Variants in KHDRBS2 observed in about 807,000 individuals in gnomAD.
The protein encoded by KHDRBS2 is KH RNA binding domain containing, signal transduction associated 2.
KHDRBS2 carries 26 observed loss-of-function variants against 44.3 expected under a neutral mutation model. The observed-to-expected ratio is 0.59, with a 90% CI of 0.43 to 0.81. The LOEUF (loss-of-function observed/expected upper bound fraction) is 0.81, where lower values mean the gene tolerates loss of function less well. Ranked by LOEUF, KHDRBS2 falls within the 40% of genes least tolerant of loss-of-function variation. The pLI is 0.00. For synonymous variants in KHDRBS2, 194 were observed against 151.1 expected (o/e 1.28, Z -2.08); for missense variants, 476 against 433.1 (o/e 1.10, Z -0.88).
chr6:61,731,918 T>C (rs1249513300), intron 7 of KHDRBS2, among the ~76,000 whole-genome samples: 1 of 152,104 alleles, frequency 6.6e-6, no homozygotes, highest in African/African-American at 2.4e-5. Flanking sequence ...TACAAGGTGT[T>C]CTAGAGAAGG....
At chr6:61,788,901 A>G (rs1482470088) in intron 6 of KHDRBS2, among the ~76,000 whole-genome samples, 3 of 151,312 alleles carry the variant, frequency 2.0e-5, no homozygotes, top group Admixed American at 6.6e-5. Context: ...AACCCAAGAT[A>G]CATATAAAAA....
At chr6:61,807,084 C>T (rs543644632) in intron 6 of KHDRBS2, among the ~76,000 whole-genome samples, 9 of 152,150 alleles carry the variant, frequency 5.9e-5, no homozygotes, top group Middle Eastern at 3.4e-3. Context: ...TGCTCAAGAT[C>T]GCTGATCATT....
intron 3 of KHDRBS2, among the ~76,000 whole-genome samples, chr6:61,984,918 C>A (rs1237357048): frequency 2.0e-5 from 3 of 152,136 alleles, no homozygotes; most frequent in Admixed American, 1.3e-4. Context: ...ATTTGTTCTG[C>A]AATTATAAGC....
intron 6 of KHDRBS2, among the ~76,000 whole-genome samples, chr6:61,779,899 T>C (rs1314870798): frequency 1.3e-5 from 2 of 152,170 alleles, no homozygotes; most frequent in East Asian, 1.9e-4. Flanking sequence ...CTCTGAAGCT[T>C]AGCATTCATG....
rs147397371 is a variant in KHDRBS2 at position 62,243,488 on chromosome 6, T to C, written c.91+42370A>G. ...GGCTTGTAAGCCAATTACAGACACA[T>C]GATGTGTTAAGATGCCCACCCTCAA... On this transcript the variant is annotated intron_variant, in intron 1 of 8. Transcript: ENST00000281156. Among the ~76,000 whole-genome samples the C allele has an allele frequency of 3.0e-4, 46 of 152,006 alleles. No individual in the cohort carries two copies. The East Asian group carries it at 8.9e-3, about 30-fold the overall frequency.
rs546643342 is a variant in KHDRBS2, at chr6:62,040,361, G to A, written c.336+7517C>T. ...TTTACATATAAAGTAGTAATAATGT[G>A]TTCCAGTTATTTATTGTTGCATAAC... On this transcript the variant is annotated intron_variant, in intron 3 of 8. Transcript: ENST00000281156. Among the ~76,000 whole-genome samples, 212 of 152,124 alleles carry A rather than the reference G, an allele frequency of 1.4e-3. 2 individuals carry two copies. Among genetic ancestry groups the A allele is most frequent in the African/African-American group, 5.0e-3 (208 of 41,534 alleles).
At position 61,929,250 on chromosome 6, in the gene KHDRBS2, C is replaced by A. The variant is rs12528787; in HGVS notation, c.484-27879G>T. 1.4e-3 allele frequency among the ~76,000 whole-genome samples: 206 copies of A among 152,114 alleles called. 5 individuals carry two copies. In the East Asian group the frequency reaches 0.02, roughly 14 times the overall value. The stretch of plus-strand genomic sequence containing the variant: ...TAATCTTTTAATTTCAAGTAATTAC[C>A]AGAAAAAATAACTTTGGAAAAATAT... On this transcript the variant is annotated intron_variant, in intron 4 of 8. Transcript: ENST00000281156.
At chr6:61,702,354 G>A (rs1768821259) in intron 7 of KHDRBS2, among the ~76,000 whole-genome samples, 1 of 151,924 alleles carries the variant, frequency 6.6e-6, no homozygotes, top group Non-Finnish European at 1.5e-5. Context: ...TCACTAGCCT[G>A]GATCAGTGAA....
At chr6:61,719,546 C>T (rs1411100700) in intron 7 of KHDRBS2, among the ~76,000 whole-genome samples, 1 of 151,968 alleles carries the variant, frequency 6.6e-6, no homozygotes, top group African/African-American at 2.4e-5. Context: ...ATGTAACTTG[C>T]CTTAAGTCAA....
intron 1 of KHDRBS2, among the ~76,000 whole-genome samples, chr6:62,198,741 C>T (rs1476457314): frequency 6.6e-6 from 1 of 152,140 alleles, no homozygotes; most frequent in African/African-American, 2.4e-5. Context: ...TTTTATGAGG[C>T]CAGCAACATC....
chr6:62,173,093 T>A (rs538411085), intron 2 of KHDRBS2, among the ~76,000 whole-genome samples: 1 of 151,130 alleles, frequency 6.6e-6, no homozygotes, highest in African/African-American at 2.4e-5. Flanking sequence ...AAACCAGGCC[T>A]GAACTGAAGG....
intron 3 of KHDRBS2, among the ~76,000 whole-genome samples, chr6:61,994,954 C>T (rs866806796): frequency 6.6e-6 from 1 of 151,662 alleles, no homozygotes; most frequent in Admixed American, 6.6e-5. Flanking sequence ...AAAATGGGCA[C>T]GTCTGAGGAA....
chr6:61,848,519 G>GTA (rs1313292558), intron 6 of KHDRBS2, among the ~76,000 whole-genome samples: 24 of 30,460 alleles, frequency 7.9e-4, no homozygotes, highest in Non-Finnish European at 1.4e-3. Flanking sequence ...ATGTATATAT[G>GTA]TATATATATA....
chr6:61,554,648 G>C, the KHDRBS2 span, among the ~76,000 whole-genome samples: 1 of 152,116 alleles, frequency 6.6e-6, no homozygotes, highest in African/African-American at 2.4e-5. Context: ...GCTTGTAACT[G>C]TCTTTCCTTT....
intron 4 of KHDRBS2, among the ~76,000 whole-genome samples, chr6:61,949,777 T>A (rs767747060): frequency 7.9e-5 from 12 of 152,080 alleles, no homozygotes; most frequent in Non-Finnish European, 1.3e-4. Context: ...AGCAATTTAT[T>A]TATATTATCA....
At chr6:61,938,925 A>G (rs1032693495) in intron 4 of KHDRBS2, among the ~76,000 whole-genome samples, 3 of 152,112 alleles carry the variant, frequency 2.0e-5, no homozygotes, top group African/African-American at 7.2e-5. Context: ...TTCTAGAAAA[A>G]AATTCTGAAA....
the KHDRBS2 span, among the ~76,000 whole-genome samples, chr6:61,572,600 C>T: frequency 6.6e-6 from 1 of 152,056 alleles, no homozygotes; most frequent in Non-Finnish European, 1.5e-5. Context: ...AATCCAAAAG[C>T]ATATCAAAAA....
chr6:62,105,123 A>T (rs1169072844), intron 2 of KHDRBS2, among the ~76,000 whole-genome samples: 1 of 152,162 alleles, frequency 6.6e-6, no homozygotes, highest in Non-Finnish European at 1.5e-5. Context: ...TCATTAAAAA[A>T]ATGAGCTTTT....
chr6:61,743,811 G>C (rs1427988731), intron 6 of KHDRBS2, among the ~76,000 whole-genome samples: 1 of 134,698 alleles, frequency 7.4e-6, no homozygotes, highest in East Asian at 2.2e-4. Flanking sequence ...CCCGGTGTGT[G>C]ATGTTCCCCT....
Sources: gnomAD v4.1 joint callset for allele counts (sites outside exome capture counted in the v4.1 genomes callset) on GRCh38, gnomAD v4.1.1 for gene constraint, MANE v1.5 for transcripts, NCBI Gene and HGNC (gene_info 2026-07-23, HGNC 2026-07-21) for gene names.